The following NKAIN2 variants were observed in gnomAD, a reference collection of about 807,000 sequenced individuals.
NKAIN2 encodes the protein sodium/potassium-transporting ATPase subunit beta-1-interacting protein 2.
Under a neutral mutation model 32.6 loss-of-function variants are expected in NKAIN2, and 14 were observed. The ratio of observed to expected loss-of-function variants is 0.43; its 90% CI spans 0.28 to 0.67. The LOEUF (loss-of-function observed/expected upper bound fraction) is 0.67. NKAIN2 is among the 30% of genes least tolerant of loss of function. The pLI is 0.17. For missense variants in NKAIN2, 198 were observed against 258.3 expected, an observed-to-expected ratio of 0.77 and a Z score of 1.60; for synonymous variants, 80 against 87.2, an observed-to-expected ratio of 0.92 and a Z score of 0.46.
At chr6:124,404,392 C>T (rs1773756629) in intron 3 of NKAIN2, among the ~76,000 whole-genome samples, 1 of 152,170 alleles carries the variant, frequency 6.6e-6, no homozygotes, top group Non-Finnish European at 1.5e-5. Flanking sequence ...CCAATGTTTC[C>T]TCTCAGCAGC....
chr6:124,713,292 T>C (rs981141019), intron 4 of NKAIN2, among the ~76,000 whole-genome samples: 1 of 152,176 alleles, frequency 6.6e-6, no homozygotes, highest in African/African-American at 2.4e-5. Flanking sequence ...AAAATATTTT[T>C]CTTAATCACC....
intron 4 of NKAIN2, chr6:124,658,764 T>G: frequency 3.0e-6 from 1 of 336,654 alleles, no homozygotes; most frequent in Non-Finnish European, 5.3e-6. Flanking sequence ...TCTCTTTTAG[T>G]GCTTCTTTTG....
At position 124,294,888 on chromosome 6, in the gene NKAIN2, CATTTTTTTCTTCAT is replaced by C. The variant is rs144997412; in HGVS notation, c.192+11758_192+11771del. ...TCATTTTCTGAAACACAGCGGAATCCATTTTTTTCTTCATATTTTTTTCTTTTAAAGATACCAGT... is the reference window on the plus strand; with the variant it reads ...TCATTTTCTGAAACACAGCGGAATCCATTTTTTTCTTTTAAAGATACCAGT... On this transcript the variant is annotated intron_variant, in intron 2 of 6. Transcript: ENST00000368417. Among the ~76,000 whole-genome samples, 711 of 152,154 alleles carry C rather than the reference CATTTTTTTCTTCAT, an allele frequency of 4.7e-3. 5 individuals carry two copies. The highest frequency in any genetic ancestry group is 0.017 in the African/African-American group (693 of 41,524).
At chr6:124,295,561 G>T (rs984957540) in intron 2 of NKAIN2, among the ~76,000 whole-genome samples, 1 of 152,012 alleles carries the variant, frequency 6.6e-6, no homozygotes, top group African/African-American at 2.4e-5. Flanking sequence ...GAAACTCACC[G>T]ATTAGGAAGG....
chr6:124,732,155 T>G (rs765412926), intron 4 of NKAIN2, among the ~76,000 whole-genome samples: 1 of 152,078 alleles, frequency 6.6e-6, no homozygotes, highest in Non-Finnish European at 1.5e-5. Context: ...CATCTTTGCC[T>G]GCTAGGACTT....
chr6:123,946,507 G>C (rs1319921454), intron 1 of NKAIN2, among the ~76,000 whole-genome samples: 1 of 152,032 alleles, frequency 6.6e-6, no homozygotes, highest in Non-Finnish European at 1.5e-5. Flanking sequence ...TAAGGAATTT[G>C]AAGTCTTTTC....
chr6:124,296,812 A>G (rs1032440276), intron 2 of NKAIN2, among the ~76,000 whole-genome samples: 1 of 152,220 alleles, frequency 6.6e-6, no homozygotes, highest in African/African-American at 2.4e-5. Context: ...AAAAGCATTC[A>G]ATTAAGACCC....
intron 3 of NKAIN2, among the ~76,000 whole-genome samples, chr6:124,384,365 G>A (rs1292689603): frequency 6.6e-6 from 1 of 152,080 alleles, no homozygotes; most frequent in Non-Finnish European, 1.5e-5. Flanking sequence ...AAGTATTCAA[G>A]CAGGATCAAA....
intron 1 of NKAIN2, among the ~76,000 whole-genome samples, chr6:124,204,911 A>G (rs536049332): frequency 2.6e-5 from 4 of 151,650 alleles, no homozygotes; most frequent in African/African-American, 9.7e-5. Context: ...AATAATATTA[A>G]AGAGATTTTT....
At chr6:124,532,981 G>A (rs1313333625) in intron 3 of NKAIN2, among the ~76,000 whole-genome samples, 1 of 152,164 alleles carries the variant, frequency 6.6e-6, no homozygotes, top group African/African-American at 2.4e-5. Context: ...GCTTCCTGGT[G>A]ATGAGGCGCT....
At chr6:124,289,233 A>G (rs1795693610) in intron 2 of NKAIN2, among the ~76,000 whole-genome samples, 2 of 152,204 alleles carry the variant, frequency 1.3e-5, no homozygotes, top group African/African-American at 4.8e-5. Flanking sequence ...ACTTCTGTTC[A>G]CCAATTTAGG....
intron 3 of NKAIN2, among the ~76,000 whole-genome samples, chr6:124,453,736 T>C (rs150054016): frequency 6.6e-6 from 1 of 152,124 alleles, no homozygotes; most frequent in East Asian, 1.9e-4. Flanking sequence ...GTACTTAGAA[T>C]CAAGAGAAAA....
chr6:124,541,647 G>A (rs1488547680), intron 3 of NKAIN2, among the ~76,000 whole-genome samples: 4 of 152,114 alleles, frequency 2.6e-5, no homozygotes, highest in Non-Finnish European at 5.9e-5. Context: ...TCCTCAATTA[G>A]GGAAAGATTA....
At chr6:124,306,772 A>G (rs1055893335) in intron 2 of NKAIN2, among the ~76,000 whole-genome samples, 2 of 152,178 alleles carry the variant, frequency 1.3e-5, no homozygotes, top group African/African-American at 4.8e-5. Context: ...GTGGATCAGA[A>G]GACAAGTCAA....
At chr6:124,291,316 G>T (rs1272483442) in intron 2 of NKAIN2, among the ~76,000 whole-genome samples, 1 of 151,478 alleles carries the variant, frequency 6.6e-6, no homozygotes, top group East Asian at 1.9e-4. Flanking sequence ...TCAAAATGGC[G>T]TGTCTAAATG....
chr6:123,958,390 A>G (rs528699707), intron 1 of NKAIN2, among the ~76,000 whole-genome samples: 9 of 152,278 alleles, frequency 5.9e-5, no homozygotes, highest in African/African-American at 2.2e-4. Flanking sequence ...CTGCTCCGTC[A>G]CCTCTGTGCA....
intron 2 of NKAIN2, among the ~76,000 whole-genome samples, chr6:124,340,613 G>A (rs1302207382): frequency 6.6e-6 from 1 of 152,090 alleles, no homozygotes; most frequent in African/African-American, 2.4e-5. Flanking sequence ...CTCCCACTTA[G>A]AGGTGAGAAC....
intron 3 of NKAIN2, among the ~76,000 whole-genome samples, chr6:124,583,970 C>T (rs1185971525): frequency 2.6e-5 from 4 of 152,156 alleles, no homozygotes; most frequent in African/African-American, 9.7e-5. Flanking sequence ...ACCCCTATCT[C>T]TCACCACATA....
chr6:124,039,119 A>G (rs896387635), intron 1 of NKAIN2, among the ~76,000 whole-genome samples: 1 of 152,104 alleles, frequency 6.6e-6, no homozygotes, highest in Non-Finnish European at 1.5e-5. Context: ...TAATTGGCAC[A>G]TGCTTATTTT....
Sources: allele counts gnomAD v4.1 joint callset (sites outside exome capture counted in the v4.1 genomes callset), GRCh38; gene constraint gnomAD v4.1.1; transcripts MANE v1.5; gene names NCBI Gene and HGNC (gene_info 2026-07-23, HGNC 2026-07-21).